The following ERC2 variants were observed in gnomAD, a reference collection of about 807,000 sequenced individuals.
ERC2 encodes the protein ERC protein 2.
ERC2 carries 42 observed loss-of-function variants against 114.8 expected under a neutral mutation model. That is an observed-to-expected ratio of 0.37 (90% CI 0.29 to 0.47). The LOEUF (loss-of-function observed/expected upper bound fraction) is 0.47. Ranked by LOEUF, ERC2 falls within the 20% of genes least tolerant of loss-of-function variation. The probability of loss-of-function intolerance (pLI) is 0.99; values close to 1 mark genes in which losing one functional copy is unlikely to be tolerated. For missense variants in ERC2, 939 were observed against 1,150.7 expected (o/e 0.82, Z 2.66); for synonymous variants, 454 against 425.5 (o/e 1.07, Z -0.82).
chr3:56,458,420 C>G (rs910063623), intron 1 of ERC2, among the ~76,000 whole-genome samples: 17 of 152,156 alleles, frequency 1.1e-4, no homozygotes, highest in African/African-American at 3.9e-4. Context: ...TTATTCTAAG[C>G]AACTATTCAT....
intron 14 of ERC2, among the ~76,000 whole-genome samples, chr3:55,883,664 TG>T: frequency 6.6e-6 from 1 of 151,382 alleles, no homozygotes; most frequent in Non-Finnish European, 1.5e-5. Flanking sequence ...CTGAGGCGGG[TG>T]GATCACGAGG....
chr3:55,818,737 A>G (rs1331987609), intron 14 of ERC2, among the ~76,000 whole-genome samples: 1 of 152,250 alleles, frequency 6.6e-6, no homozygotes, highest in East Asian at 1.9e-4. Flanking sequence ...AATGCCTAGC[A>G]TTCACCAATT....
chr3:55,994,118 A>G (rs990526422), intron 10 of ERC2, among the ~76,000 whole-genome samples: 3 of 152,178 alleles, frequency 2.0e-5, no homozygotes, highest in African/African-American at 7.2e-5. Flanking sequence ...ATACTGTATT[A>G]CCATTCTTTT....
intron 1 of ERC2, among the ~76,000 whole-genome samples, chr3:56,447,201 G>A (rs2062616532): frequency 6.6e-6 from 1 of 152,246 alleles, no homozygotes; most frequent in African/African-American, 2.4e-5. Context: ...GGGGGACTGG[G>A]TTGGCCTTCC....
intron 17 of ERC2, among the ~76,000 whole-genome samples, chr3:55,565,773 TA>T (rs1186290173): frequency 2.6e-5 from 4 of 152,206 alleles, no homozygotes; most frequent in Non-Finnish European, 4.4e-5. Flanking sequence ...CAAAGGCTTT[TA>T]AAATAAAATA....
chr3:55,588,351 C>T (rs2107595061), intron 17 of ERC2, among the ~76,000 whole-genome samples: 1 of 152,154 alleles, frequency 6.6e-6, no homozygotes, highest in East Asian at 1.9e-4. Context: ...GTTACACGAG[C>T]CATTTGGAGC....
intron 17 of ERC2, among the ~76,000 whole-genome samples, chr3:55,540,705 C>G (rs2054337350): frequency 6.6e-6 from 1 of 152,222 alleles, no homozygotes. Context: ...AAGCCACATT[C>G]ACACAATGAC....
chr3:56,370,682 C>A (rs924423054), intron 2 of ERC2, among the ~76,000 whole-genome samples: 4 of 151,064 alleles, frequency 2.6e-5, no homozygotes, highest in African/African-American at 7.3e-5. Context: ...GCAACCTCCG[C>A]CTCCCAGGTT....
At position 56,261,759 on chromosome 3, in the gene ERC2, A is replaced by G. The variant is rs1417248449; in HGVS notation, c.1074+34260T>C. On this transcript the variant is annotated intron_variant, in intron 3 of 17. Transcript: ENST00000288221. ...TGTGCAGGATGTGTAGGTTTGTTAC[A>G]TAGGTAAACTTGTGTCATGGGGGTT... is the stretch of plus-strand genomic sequence containing the variant. Among the ~76,000 whole-genome samples the G allele has an allele frequency of 2.0e-5, 3 of 152,150 alleles. No individual in the cohort carries two copies. In the East Asian group the frequency reaches 5.8e-4, roughly 29 times the overall value.
At chr3:56,324,628 C>A (rs1008819607) in intron 2 of ERC2, among the ~76,000 whole-genome samples, 1 of 152,092 alleles carries the variant, frequency 6.6e-6, no homozygotes, top group Non-Finnish European at 1.5e-5. Flanking sequence ...TGCTTCAAAA[C>A]GGGCATCTGT....
intron 7 of ERC2, among the ~76,000 whole-genome samples, chr3:56,027,716 CTTTGTCAGATACATGG>C (rs2074131274): frequency 6.6e-6 from 1 of 151,964 alleles, no homozygotes; most frequent in Admixed American, 6.6e-5. Context: ...GGTATTAGTC[CTTTGTCAGATACATGG>C]TTTGCAATTA....
intron 7 of ERC2, among the ~76,000 whole-genome samples, chr3:56,033,036 G>C (rs566080164): frequency 4.3e-5 from 3 of 69,418 alleles, no homozygotes; most frequent in South Asian, 1.0e-3. Flanking sequence ...GAAACAGAAA[G>C]AAAGAAAGAA....
At chr3:55,524,497 G>C (rs931428129) in intron 17 of ERC2, among the ~76,000 whole-genome samples, 2 of 128,312 alleles carry the variant, frequency 1.6e-5, no homozygotes, top group African/African-American at 6.1e-5. Context: ...CAAAGCTCCA[G>C]TGGTTTTTTT....
chr3:55,964,776 G>C (rs865919100), intron 12 of ERC2, among the ~76,000 whole-genome samples: 1 of 152,148 alleles, frequency 6.6e-6, no homozygotes, highest in Non-Finnish European at 1.5e-5. Context: ...CTTAACCGGG[G>C]AATAATGTGC....
chr3:56,289,239 T>G (rs115513237), intron 3 of ERC2, among the ~76,000 whole-genome samples: 1,613 of 152,156 alleles, frequency 0.011, 27 homozygotes, highest in African/African-American at 0.037. Flanking sequence ...CCTCCTCAAA[T>G]CTCCCAGCAC....
chr3:55,720,776 A>G (rs1056888960), intron 15 of ERC2, among the ~76,000 whole-genome samples: 4 of 152,188 alleles, frequency 2.6e-5, no homozygotes, highest in African/African-American at 9.7e-5. Flanking sequence ...TTGTCACCAG[A>G]GATGGTATGG....
chr3:56,165,515 T>C (rs963858313), intron 4 of ERC2, among the ~76,000 whole-genome samples: 2 of 144,802 alleles, frequency 1.4e-5, no homozygotes, highest in African/African-American at 5.0e-5. Context: ...CATTGCCATA[T>C]AGCATTTCAT....
intron 4 of ERC2, among the ~76,000 whole-genome samples, chr3:56,151,287 G>A (rs1334152783): frequency 6.6e-6 from 1 of 151,944 alleles, no homozygotes; most frequent in Non-Finnish European, 1.5e-5. Context: ...GGCTACTCTC[G>A]AACTCCTGAC....
intron 14 of ERC2, among the ~76,000 whole-genome samples, chr3:55,754,693 T>C (rs2066938643): frequency 6.6e-6 from 1 of 151,642 alleles, no homozygotes; most frequent in Non-Finnish European, 1.5e-5. Flanking sequence ...ATCAATTTAT[T>C]TGTAGTTTCT....
Sources: allele counts gnomAD v4.1 joint callset (sites outside exome capture counted in the v4.1 genomes callset), GRCh38; gene constraint gnomAD v4.1.1; transcripts MANE v1.5; gene names NCBI Gene and HGNC (gene_info 2026-07-23, HGNC 2026-07-21).